SLC24A2: variants seen among roughly 807,000 people sequenced by gnomAD.
SLC24A2 encodes the protein solute carrier family 24 member 2.
A neutral mutation model predicts 62.0 loss-of-function variants in SLC24A2; 36 were observed. The ratio of observed to expected loss-of-function variants is 0.58; its 90% CI spans 0.44 to 0.77. The LOEUF (loss-of-function observed/expected upper bound fraction) is 0.77, where lower values mean the gene tolerates loss of function less well. Among genes scored for constraint, SLC24A2 ranks in the 30% least tolerant of loss-of-function variants. SLC24A2 has a pLI of 0.00. For missense variants in SLC24A2, 846 were observed against 817.9 expected, an observed-to-expected ratio of 1.03 and a Z score of -0.42; for synonymous variants, 358 against 294.0, an observed-to-expected ratio of 1.22 and a Z score of -2.23.
intron 7 of SLC24A2, among the ~76,000 whole-genome samples, chr9:19,552,256 G>A (rs1834881876): frequency 6.6e-6 from 1 of 152,196 alleles, no homozygotes; most frequent in Non-Finnish European, 1.5e-5. Flanking sequence ...TATAGCAGGT[G>A]TAGAGAATAT....
chr9:20,224,354 T>G, the SLC24A2 span, among the ~76,000 whole-genome samples: 4 of 151,936 alleles, frequency 2.6e-5, no homozygotes, highest in Admixed American at 2.6e-4. Context: ...GTTGCCCAAT[T>G]TGAATACTAT....
the SLC24A2 span, among the ~76,000 whole-genome samples, chr9:20,008,190 C>CT: frequency 6.6e-6 from 1 of 152,048 alleles, no homozygotes; most frequent in Non-Finnish European, 1.5e-5. Flanking sequence ...GCCACTGCGC[C>CT]TGGCCCCTCT....
chr9:20,011,930 G>C, the SLC24A2 span, among the ~76,000 whole-genome samples: 1 of 151,864 alleles, frequency 6.6e-6, no homozygotes, highest in Non-Finnish European at 1.5e-5. Context: ...ACAAAATGAA[G>C]GATAAAAATC....
At chr9:19,657,484 C>A (rs560884700) in intron 2 of SLC24A2, among the ~76,000 whole-genome samples, 100 of 152,180 alleles carry the variant, frequency 6.6e-4, no homozygotes, top group African/African-American at 2.4e-3. Flanking sequence ...ATCAACCTGT[C>A]ATCTAGGTTT....
rs374739140 is a variant in SLC24A2 at position 19,784,853 on chromosome 9, C to T, written c.930+1084G>A. Among the ~76,000 whole-genome samples the T allele has an allele frequency of 7.2e-5, 11 of 152,300 alleles. No homozygotes were observed. In the East Asian group the frequency reaches 1.9e-3, roughly 27 times the overall value. On this transcript the variant is annotated intron_variant, in intron 2 of 10. Transcript: ENST00000341998. Reference sequence around the variant, plus strand: ...CCTGCCCTTTGCTTCCATTTCATGGCTGCAATGAAAAGGACGGTCATCAAA... The same window carrying T: ...CCTGCCCTTTGCTTCCATTTCATGGTTGCAATGAAAAGGACGGTCATCAAA...
the SLC24A2 span, among the ~76,000 whole-genome samples, chr9:20,055,467 G>A: frequency 2.6e-5 from 4 of 152,112 alleles, no homozygotes; most frequent in Non-Finnish European, 4.4e-5. Context: ...AGTAGGGGGT[G>A]TAAATTTCAT....
intron 3 of SLC24A2, among the ~76,000 whole-genome samples, chr9:19,620,729 G>A (rs1817888748): frequency 6.6e-6 from 1 of 152,204 alleles, no homozygotes; most frequent in Non-Finnish European, 1.5e-5. Flanking sequence ...AGGCAGCCAA[G>A]CTTTATAGAC....
the SLC24A2 span, among the ~76,000 whole-genome samples, chr9:20,027,883 C>T: frequency 2.6e-5 from 4 of 152,072 alleles, no homozygotes; most frequent in Non-Finnish European, 5.9e-5. Flanking sequence ...AAACATAATG[C>T]TTTACATGAT....
At chr9:20,161,943 A>C in the SLC24A2 span, among the ~76,000 whole-genome samples, 1 of 151,750 alleles carries the variant, frequency 6.6e-6, no homozygotes, top group South Asian at 2.1e-4. Context: ...GCGATTACAT[A>C]CAACAAAATA....
At chr9:20,051,061 C>T in the SLC24A2 span, among the ~76,000 whole-genome samples, 2 of 151,908 alleles carry the variant, frequency 1.3e-5, no homozygotes, top group Admixed American at 6.6e-5. Flanking sequence ...ATTAAGTGAA[C>T]TAAACGTACC....
chr9:20,297,258 G>C, the SLC24A2 span, among the ~76,000 whole-genome samples: 2 of 152,190 alleles, frequency 1.3e-5, no homozygotes, highest in African/African-American at 2.4e-5. Flanking sequence ...GAAGGTTACA[G>C]ATTGAGCCTC....
At chr9:20,127,542 C>A in the SLC24A2 span, among the ~76,000 whole-genome samples, 3 of 152,270 alleles carry the variant, frequency 2.0e-5, no homozygotes, top group African/African-American at 7.2e-5. Flanking sequence ...AGTTTCATCT[C>A]TTTCCAGGGA....
chr9:19,662,219 A>G (rs1819122012), intron 2 of SLC24A2, among the ~76,000 whole-genome samples: 1 of 152,236 alleles, frequency 6.6e-6, no homozygotes, highest in Non-Finnish European at 1.5e-5. Flanking sequence ...CCACATTATT[A>G]TTGTTTCAAC....
the SLC24A2 span, among the ~76,000 whole-genome samples, chr9:20,018,666 G>A: frequency 6.6e-6 from 1 of 151,966 alleles, no homozygotes; most frequent in African/African-American, 2.4e-5. Context: ...TCATAATAGG[G>A]TTTTGAGAAC....
the SLC24A2 span, among the ~76,000 whole-genome samples, chr9:20,113,342 A>G: frequency 6.6e-6 from 1 of 152,172 alleles, no homozygotes; most frequent in Non-Finnish European, 1.5e-5. Context: ...CATTTCCTCA[A>G]TGGAAACAGA....
At chr9:20,227,439 T>C in the SLC24A2 span, among the ~76,000 whole-genome samples, 30 of 151,308 alleles carry the variant, frequency 2.0e-4, no homozygotes, top group African/African-American at 7.3e-4. Context: ...AGCTCAACCA[T>C]GTGAGGTGAA....
At chr9:20,258,505 G>C in the SLC24A2 span, among the ~76,000 whole-genome samples, 2 of 152,126 alleles carry the variant, frequency 1.3e-5, no homozygotes, top group Admixed American at 1.3e-4. Context: ...TATAAGAAGG[G>C]CAAGTTCCTG....
chr9:19,976,587 C>A, the SLC24A2 span, among the ~76,000 whole-genome samples: 854 of 152,294 alleles, frequency 5.6e-3, 8 homozygotes, highest in South Asian at 0.016. Context: ...TCATAAATTA[C>A]CTAGACTTAG....
At chr9:19,899,920 G>A in the SLC24A2 span, among the ~76,000 whole-genome samples, 2 of 152,162 alleles carry the variant, frequency 1.3e-5, no homozygotes, top group Non-Finnish European at 2.9e-5. Context: ...AACACATGGG[G>A]ATTATGGGAA....
Sources: gnomAD v4.1 joint callset for allele counts (sites outside exome capture counted in the v4.1 genomes callset) on GRCh38, gnomAD v4.1.1 for gene constraint, MANE v1.5 for transcripts, NCBI Gene and HGNC (gene_info 2026-07-23, HGNC 2026-07-21) for gene names.